Variants in CA13 observed in about 807,000 individuals in gnomAD.
CA13 encodes the protein CA-XIII.
A neutral mutation model predicts 31.5 loss-of-function variants in CA13; 21 were observed. The ratio of observed to expected loss-of-function variants is 0.67; its 90% CI spans 0.47 to 0.96. CA13 has a LOEUF of 0.96. CA13 is among the 40% of genes least tolerant of loss of function. The pLI, the probability that CA13 is intolerant of heterozygous loss-of-function variation, is 0.00. For synonymous variants in CA13, 117 were observed against 111.4 expected, an observed-to-expected ratio of 1.05 and a Z score of -0.32; for missense variants, 315 against 318.9, an observed-to-expected ratio of 0.99 and a Z score of 0.09.
In CA13 at chr8:85,280,905, T is replaced by C. The variant is rs912679278; in HGVS notation, c.670-325T>C. Among the ~76,000 whole-genome samples the C allele has an allele frequency of 3.3e-5, 5 of 152,234 alleles. No homozygotes were observed. In the East Asian group the frequency reaches 9.6e-4, roughly 29 times the overall value. ...TTGTCATAAAATGTATGTATGTATG[T>C]GTGTTTATAGATTGAAAAACATTGA... On this transcript the variant is annotated intron_variant, in intron 6 of 6. Coordinates refer to ENST00000321764, the MANE Select transcript of CA13 (RefSeq NM_198584.3).
chr8:85,274,573 T>C (rs1258054965), intron 6 of CA13, among the ~76,000 whole-genome samples: 1 of 152,234 alleles, frequency 6.6e-6, no homozygotes, highest in Admixed American at 6.5e-5. Context: ...CAATTAGCGA[T>C]ATTAAACTTA....
chr8:85,258,702 CGCTTGAGGCCAGGA>C (rs1254433310), intron 2 of CA13, among the ~76,000 whole-genome samples: 2 of 129,276 alleles, frequency 1.5e-5, no homozygotes, highest in Non-Finnish European at 3.1e-5. Flanking sequence ...TTGGGAGGAT[CGCTTGAGGCCAGGA>C]GTTTGAGACC....
Position 85,283,442 on chromosome 8 carries a change from T to C in CA13, c.*2093T>C, listed in dbSNP as rs1908762. 93,015 of 152,232 alleles carry C rather than the reference T, an allele frequency of 0.61. 28,955 individuals carry two copies. The highest frequency in any genetic ancestry group is 0.65 in the Non-Finnish European group (44,010 of 67,976). The allele number at this position is 152,232 out of a possible 1,614,324, so 9.4% of individuals were successfully genotyped here. A position where few individuals can be genotyped will look rare whatever the true frequency, so the allele number is the denominator to read the frequency against. On this transcript the variant is annotated 3_prime_UTR_variant, in exon 7 of 7. Coordinates refer to ENST00000321764, the MANE Select transcript of CA13 (RefSeq NM_198584.3). ...TTTAATGAATTGAATATTTAAAAAA[T>C]TTTTTATTTGCTGTCTTTGGTAATT... is the stretch of plus-strand genomic sequence containing the variant.
chr8:85,246,391 A>G (rs1813730951), intron 1 of CA13: 3 of 456,014 alleles, frequency 6.6e-6, no homozygotes, highest in Non-Finnish European at 4.4e-6. Flanking sequence ...CATGTTTCCT[A>G]ATAGTTGTTA....
chr8:85,264,286 AT>A (rs1807426140), intron 3 of CA13, among the ~76,000 whole-genome samples: 1 of 152,218 alleles, frequency 6.6e-6, no homozygotes, highest in Non-Finnish European at 1.5e-5. Flanking sequence ...TACCACTAAT[AT>A]GGAATTTGAA....
At chr8:85,281,057 A>C (rs1169729168) in intron 6 of CA13, among the ~76,000 whole-genome samples, 173 bp from the exon 7 acceptor site, 1 of 152,214 alleles carries the variant, frequency 6.6e-6, no homozygotes, top group Non-Finnish European at 1.5e-5. Flanking sequence ...AGGTATTTGT[A>C]CAGTGATGAG....
At chr8:85,273,828 G>A (rs1807562373) in intron 6 of CA13, among the ~76,000 whole-genome samples, 1 of 152,082 alleles carries the variant, frequency 6.6e-6, no homozygotes, top group Non-Finnish European at 1.5e-5. Flanking sequence ...AACACGAGGT[G>A]GTGTGGAGCA....
intron 1 of CA13, chr8:85,249,887 G>A (rs1459113021): frequency 2.3e-6 from 1 of 434,750 alleles, no homozygotes; most frequent in Non-Finnish European, 4.6e-6. Flanking sequence ...CCAAAGAAGT[G>A]AAGAGGATTG....
intron 1 of CA13, among the ~76,000 whole-genome samples, chr8:85,248,457 CAA>C (rs528349589): frequency 2.5e-4 from 19 of 76,636 alleles, no homozygotes; most frequent in Admixed American, 7.6e-4. Context: ...AACTCTGTCT[CAA>C]AAAAAAAAAA....
chr8:85,260,882 A>G (rs985443190), intron 3 of CA13, among the ~76,000 whole-genome samples: 1 of 152,200 alleles, frequency 6.6e-6, no homozygotes, highest in African/African-American at 2.4e-5. Flanking sequence ...TTCCTTACCA[A>G]CTCAGGAAAA....
Position 85,253,290 on chromosome 8 carries a change from G to A in CA13, c.235+2353G>A, listed in dbSNP as rs114590213. ...TTATTTATTTATTTTTTTGAGACAA[G>A]GTCTCGCTCCATTGCCTAGGCTGGA... On this transcript the variant is annotated intron_variant, in intron 2 of 6. Transcript: ENST00000321764. Among the ~76,000 whole-genome samples, 625 of 150,958 alleles carry A rather than the reference G, an allele frequency of 4.1e-3. 4 individuals are homozygous for A. The highest frequency in any genetic ancestry group is 0.015 in the African/African-American group (601 of 41,084).
chr8:85,264,414 A>G (rs959103609), intron 3 of CA13, among the ~76,000 whole-genome samples: 5 of 152,120 alleles, frequency 3.3e-5, no homozygotes, highest in Admixed American at 6.6e-5. Context: ...TGCTCTTGTC[A>G]TTGTTAGTCA....
chr8:85,254,773 T>C (rs1807259940), intron 2 of CA13, among the ~76,000 whole-genome samples: 1 of 21,516 alleles, frequency 4.6e-5, no homozygotes, highest in South Asian at 1.2e-3. Flanking sequence ...GTTAAACAAG[T>C]TTTTTTTTTT....
chr8:85,278,957 C>T (rs891476935), intron 6 of CA13, among the ~76,000 whole-genome samples: 1 of 152,058 alleles, frequency 6.6e-6, no homozygotes, highest in Non-Finnish European at 1.5e-5. Flanking sequence ...ATGGAGAGCA[C>T]TTAACACAGT....
At chr8:85,254,509 G>T (rs757901821) in intron 2 of CA13, among the ~76,000 whole-genome samples, 3 of 151,756 alleles carry the variant, frequency 2.0e-5, no homozygotes, top group Non-Finnish European at 4.4e-5. Flanking sequence ...ATCAATTTAT[G>T]TTTCCAGATT....
intron 2 of CA13, among the ~76,000 whole-genome samples, chr8:85,255,267 T>TTA (rs1807274575): frequency 6.6e-6 from 1 of 151,620 alleles, no homozygotes. Context: ...TCATGAATTT[T>TTA]TTTTTTTTTT....
chr8:85,267,243 T>G, intron 4 of CA13: 1 of 987,398 alleles, frequency 1.0e-6, no homozygotes, highest in Non-Finnish European at 1.2e-6. Flanking sequence ...CACCCCATAC[T>G]CTCCATGTGT....
At chr8:85,254,770 A>G (rs1807259525) in intron 2 of CA13, among the ~76,000 whole-genome samples, 3 of 81,382 alleles carry the variant, frequency 3.7e-5, no homozygotes, top group Non-Finnish European at 8.1e-5. Flanking sequence ...ATAGTTAAAC[A>G]AGTTTTTTTT....
Position 85,259,524 on chromosome 8 carries a change from G to A in CA13, c.339G>A (p.Val113=), listed in dbSNP as rs764447783. 1.9e-6 allele frequency: 3 copies of A among 1,613,590 alleles called. No individual in the cohort carries two copies. Among genetic ancestry groups the A allele is most frequent in the Non-Finnish European group, 2.5e-6 (3 of 1,179,538 alleles). The change falls in exon 3 of 7, where the codon GTG becomes GTA. Residue 113 remains valine (V), a synonymous_variant. Transcript: ENST00000321764. ...GCTCCGAGCACATAGTAGATGGAGT[G>A]AGCTATGCTGCAGAGGTAAGCCATA... ...DHGSEHIVDG[V]SYAAELHVVH...
Sources: allele counts gnomAD v4.1 joint callset (sites outside exome capture counted in the v4.1 genomes callset), GRCh38; gene constraint gnomAD v4.1.1; transcripts MANE v1.5; gene names NCBI Gene and HGNC (gene_info 2026-07-23, HGNC 2026-07-21).